Variants in NFIA observed in about 807,000 individuals in gnomAD.
The protein encoded by NFIA is nuclear factor I A, also known as nuclear factor 1 A-type.
Under a neutral mutation model 62.8 loss-of-function variants are expected in NFIA, and 8 were observed. That is an observed-to-expected ratio of 0.13 (90% CI 0.07 to 0.23). NFIA has a LOEUF of 0.23. Ranked by LOEUF, NFIA falls within the 10% of genes least tolerant of loss-of-function variation. NFIA has a pLI of 1.00. For missense variants in NFIA, 410 were observed against 642.1 expected (o/e 0.64, Z 3.91); for synonymous variants, 235 against 238.1 (o/e 0.99, Z 0.12).
At chr1:61,413,041 C>T (rs1451051070) in intron 9 of NFIA, among the ~76,000 whole-genome samples, 1 of 151,910 alleles carries the variant, frequency 6.6e-6, no homozygotes, top group African/African-American at 2.4e-5. Flanking sequence ...ATAAAACATG[C>T]ATATTTTTTT....
chr1:61,315,550 T>C (rs949135406), intron 3 of NFIA, among the ~76,000 whole-genome samples: 7 of 152,158 alleles, frequency 4.6e-5, no homozygotes, highest in African/African-American at 1.7e-4. Flanking sequence ...TGGTACTGGG[T>C]AGCAGCCATT....
chr1:61,229,308 TACTC>T (rs1654524731), intron 2 of NFIA, among the ~76,000 whole-genome samples: 1 of 152,158 alleles, frequency 6.6e-6, no homozygotes, highest in Non-Finnish European at 1.5e-5. Flanking sequence ...ACCCGCAAAT[TACTC>T]AGTCATATAT....
intron 9 of NFIA, among the ~76,000 whole-genome samples, chr1:61,414,555 G>A (rs982460137): frequency 1.4e-5 from 2 of 143,644 alleles, no homozygotes; most frequent in Admixed American, 1.4e-4. Flanking sequence ...TTTTTTTTCA[G>A]TGAAAACCCA....
chr1:61,399,491 G>A (rs1250132051), intron 7 of NFIA, among the ~76,000 whole-genome samples: 2 of 152,176 alleles, frequency 1.3e-5, no homozygotes, highest in African/African-American at 4.8e-5. Flanking sequence ...AATCTGCAAC[G>A]GTTCATGGAC....
intron 9 of NFIA, among the ~76,000 whole-genome samples, chr1:61,410,072 A>AT (rs1157444365): frequency 6.6e-6 from 1 of 152,110 alleles, no homozygotes; most frequent in Non-Finnish European, 1.5e-5. Flanking sequence ...GAGATGATGG[A>AT]TCCCTGCTCT....
intron 2 of NFIA, among the ~76,000 whole-genome samples, chr1:61,267,904 A>G (rs1334845960): frequency 6.6e-6 from 1 of 152,166 alleles, no homozygotes; most frequent in African/African-American, 2.4e-5. Flanking sequence ...GAAAGGCACC[A>G]TAGTAGATGC....
chr1:61,329,848 G>A (rs1041243317), intron 3 of NFIA, among the ~76,000 whole-genome samples: 2 of 152,186 alleles, frequency 1.3e-5, no homozygotes, highest in African/African-American at 2.4e-5. Flanking sequence ...GTGGAGAGGG[G>A]ATTGGAGAGC....
At chr1:61,183,729 A>G (rs1366384897) in intron 2 of NFIA, among the ~76,000 whole-genome samples, 2 of 152,204 alleles carry the variant, frequency 1.3e-5, no homozygotes, top group East Asian at 3.9e-4. Flanking sequence ...CAGAGTGTGC[A>G]GTGTTCAACT....
intron 6 of NFIA, among the ~76,000 whole-genome samples, chr1:61,366,387 T>A (rs769390094): frequency 5.9e-5 from 9 of 152,224 alleles, no homozygotes; most frequent in Non-Finnish European, 1.2e-4. Context: ...CATAAGAAGC[T>A]ACTTAAATTT....
chr1:61,131,855 G>A (rs1038092528), intron 2 of NFIA, among the ~76,000 whole-genome samples: 2 of 152,052 alleles, frequency 1.3e-5, no homozygotes, highest in African/African-American at 4.8e-5. Context: ...ATTGAAGCCT[G>A]GGAAAGCTCT....
intron 1 of NFIA, 43 bp downstream of exon 1, chr1:61,082,861 C>A (rs1334898557): frequency 6.6e-7 from 1 of 1,520,920 alleles, no homozygotes; most frequent in Admixed American, 2.0e-5. Context: ...GGCCGGGGCG[C>A]CGGGGGCAGG....
In NFIA at chr1:61,455,668, TG is replaced by T; in HGVS notation, c.*349del. On this transcript the variant is annotated 3_prime_UTR_variant, in exon 11 of 11. Coordinates refer to ENST00000403491, the MANE Select transcript of NFIA (RefSeq NM_001134673.4). ...CTACCCTTGCTCACTGACTTCCTGTTGTAACACACTTTCCTTACGGAGCCTG... is the reference window on the plus strand; with the variant it reads ...CTACCCTTGCTCACTGACTTCCTGTTTAACACACTTTCCTTACGGAGCCTG... The T allele has an allele frequency of 2.8e-6, 1 of 359,592 alleles. No homozygotes were observed. Among genetic ancestry groups the T allele is most frequent in the Non-Finnish European group, 4.9e-6 (1 of 202,350 alleles). The allele number at this position is 359,592 out of a possible 1,614,324, so 22.3% of individuals were successfully genotyped here. A position where few individuals can be genotyped will look rare whatever the true frequency, so the allele number is the denominator to read the frequency against.
intron 3 of NFIA, 139 bp downstream of exon 3, chr1:61,277,724 T>G: frequency 1.3e-6 from 1 of 770,012 alleles, no homozygotes; most frequent in Non-Finnish European, 2.1e-6. Context: ...AAAACTCAAG[T>G]AGATTACTTT....
intron 2 of NFIA, among the ~76,000 whole-genome samples, chr1:61,180,821 G>A (rs1250035358): frequency 1.3e-5 from 2 of 152,102 alleles, no homozygotes; most frequent in African/African-American, 4.8e-5. Context: ...AAAATTCAAC[G>A]TATTCCCTTA....
intron 2 of NFIA, among the ~76,000 whole-genome samples, chr1:61,270,968 G>T (rs1657468162): frequency 6.6e-6 from 1 of 152,202 alleles, no homozygotes; most frequent in Admixed American, 6.5e-5. Flanking sequence ...TACAAACTTA[G>T]TCAAAGTATC....
At chr1:61,130,462 A>G (rs1172914945) in intron 2 of NFIA, among the ~76,000 whole-genome samples, 3 of 152,248 alleles carry the variant, frequency 2.0e-5, no homozygotes, top group African/African-American at 7.2e-5. Context: ...AAAGTTAATG[A>G]GTAGAAAAGA....
intron 3 of NFIA, among the ~76,000 whole-genome samples, chr1:61,301,876 C>A (rs1036330135): frequency 6.6e-6 from 1 of 152,156 alleles, no homozygotes; most frequent in Admixed American, 6.5e-5. Context: ...GCCAGGTCAC[C>A]TACAAAAGCA....
At chr1:61,187,197 AACT>A (rs1651249426) in intron 2 of NFIA, among the ~76,000 whole-genome samples, 1 of 152,322 alleles carries the variant, frequency 6.6e-6, no homozygotes, top group East Asian at 1.9e-4. Context: ...TGTTCCCCGT[AACT>A]ACTACTACGA....
intron 2 of NFIA, among the ~76,000 whole-genome samples, chr1:61,104,780 C>T (rs1646567693): frequency 6.6e-6 from 1 of 151,822 alleles, no homozygotes; most frequent in African/African-American, 2.4e-5. Flanking sequence ...AAACTAAGAT[C>T]TTAAAATTAA....
Sources: allele counts gnomAD v4.1 joint callset (sites outside exome capture counted in the v4.1 genomes callset), GRCh38; gene constraint gnomAD v4.1.1; transcripts MANE v1.5; gene names NCBI Gene and HGNC (gene_info 2026-07-23, HGNC 2026-07-21).